The following LPIN1 variants were observed in gnomAD, a reference collection of about 807,000 sequenced individuals.
LPIN1 encodes the protein lipin 1.
A neutral mutation model predicts 107.5 loss-of-function variants in LPIN1; 71 were observed. The ratio of observed to expected loss-of-function variants is 0.66; its 90% CI spans 0.55 to 0.80. The LOEUF is 0.80. LPIN1 is among the 30% of genes least tolerant of loss of function. LPIN1 has a pLI of 0.00. For missense variants in LPIN1, 1,043 were observed against 1,160.6 expected (o/e 0.90, Z 1.47); for synonymous variants, 445 against 452.6 (o/e 0.98, Z 0.21).
At chr2:11,776,886 A>C (rs1229519649) in intron 6 of LPIN1, among the ~76,000 whole-genome samples, 1 of 152,116 alleles carries the variant, frequency 6.6e-6, no homozygotes, top group African/African-American at 2.4e-5. Flanking sequence ...TACGTGGAAA[A>C]CCTTTTGTCT....
At chr2:11,755,750 C>G (rs1463661655) in intron 1 of LPIN1, among the ~76,000 whole-genome samples, 2 of 148,764 alleles carry the variant, frequency 1.3e-5, no homozygotes, top group African/African-American at 2.5e-5. Context: ...GAGACAGAGT[C>G]TCGCTCTGTC....
intron 1 of LPIN1, among the ~76,000 whole-genome samples, chr2:11,760,624 G>T (rs1041524653): frequency 1.3e-5 from 2 of 152,192 alleles, no homozygotes; most frequent in Non-Finnish European, 2.9e-5. Context: ...GAGCCGAGAT[G>T]GCGGCAGTGC....
At position 11,756,642 on chromosome 2, in the gene LPIN1, C is replaced by T. The variant is rs369431343; in HGVS notation, c.-9-8891C>T. On this transcript the variant is annotated intron_variant, in intron 1 of 20. Coordinates refer to ENST00000674199, the MANE Select transcript of LPIN1 (RefSeq NM_001349206.2). Reference sequence around the variant, plus strand: ...GAATTCCTGACCTCAGGTGATCCGCCCTCCTTGGCCTACCAAAGTGCTGGC... The same window carrying T: ...GAATTCCTGACCTCAGGTGATCCGCTCTCCTTGGCCTACCAAAGTGCTGGC... 2.7e-4 allele frequency among the ~76,000 whole-genome samples: 41 copies of T among 152,296 alleles called. No individual in the cohort carries two copies. In the East Asian group the frequency reaches 4.4e-3, roughly 17 times the overall value.
At chr2:11,817,923 C>T (rs892716767) in intron 18 of LPIN1, 19 of 115,972 alleles carry the variant, frequency 1.6e-4, no homozygotes, top group African/African-American at 6.7e-4. Context: ...ACCAGCAAGA[C>T]TCTGTCTCAA....
intron 1 of LPIN1, among the ~76,000 whole-genome samples, chr2:11,691,771 A>G (rs1377103649): frequency 6.6e-6 from 1 of 152,268 alleles, no homozygotes; most frequent in Non-Finnish European, 1.5e-5. Context: ...GAAAGAATAG[A>G]GCCAGTGGCC....
At chr2:11,767,712 C>A (rs767143159) in intron 2 of LPIN1, 51 bp from the exon 3 acceptor site, 8 of 1,202,502 alleles carry the variant, frequency 6.7e-6, no homozygotes, top group South Asian at 4.8e-5. Flanking sequence ...ATGAGGTCTC[C>A]TGTCCTGGTG....
At position 11,779,645 on chromosome 2, in the gene LPIN1, G is replaced by T; in HGVS notation, c.957G>T (p.Lys319Asn). ...GGGGAGAGCTGCCGCAGGCTGCTAA[G>T]GTGAGAGTCTCTTCAATTCTGCCAC... The part of the protein sequence containing the change: ...WLWGELPQAA[K>N]SSSPHKMKES... The change falls in exon 7 of 21, where the codon AAG becomes AAT. Residue 319 changes from lysine to asparagine, a missense_variant and splice_region_variant. Lys to Asn is a moderately conservative substitution (Grantham distance 94). Coordinates refer to ENST00000674199, the MANE Select transcript of LPIN1 (RefSeq NM_001349206.2). 6.2e-7 allele frequency: 1 copy of T among 1,613,938 alleles called. No individual in the cohort carries two copies. The highest frequency in any genetic ancestry group is 8.5e-7 in the Non-Finnish European group (1 of 1,179,926).
intron 17 of LPIN1, among the ~76,000 whole-genome samples, chr2:11,808,960 A>G (rs1452667915): frequency 2.6e-5 from 4 of 152,120 alleles, no homozygotes; most frequent in Non-Finnish European, 4.4e-5. Context: ...AATAAGGACA[A>G]TTTTGTTTTC....
intron 5 of LPIN1, 118 bp downstream of exon 5, chr2:11,773,863 A>C: frequency 8.4e-7 from 1 of 1,189,528 alleles, no homozygotes; most frequent in Non-Finnish European, 1.2e-6. Context: ...GACCAGGAAA[A>C]ACACGGTGTA....
chr2:11,758,980 C>G (rs1204491676), intron 1 of LPIN1, among the ~76,000 whole-genome samples: 2 of 152,222 alleles, frequency 1.3e-5, no homozygotes, highest in African/African-American at 4.8e-5. Flanking sequence ...TTGCTAAGAA[C>G]TAAGGAGTGG....
At chr2:11,755,394 AG>A (rs1355201963) in intron 1 of LPIN1, among the ~76,000 whole-genome samples, 2 of 152,174 alleles carry the variant, frequency 1.3e-5, no homozygotes, top group Non-Finnish European at 2.9e-5. Flanking sequence ...CAAAAATAAA[AG>A]TTTCTTGCTT....
intron 1 of LPIN1, among the ~76,000 whole-genome samples, chr2:11,726,680 G>A (rs907165423): frequency 3.3e-5 from 5 of 152,160 alleles, no homozygotes. Context: ...TGTTGAGCCA[G>A]TTATTTTTTT....
At chr2:11,692,673 C>T (rs1469074365) in intron 1 of LPIN1, among the ~76,000 whole-genome samples, 1 of 152,236 alleles carries the variant, frequency 6.6e-6, no homozygotes, top group Non-Finnish European at 1.5e-5. Context: ...CTGCTTTCCT[C>T]CCAGGTACAT....
chr2:11,696,046 CTT>C (rs531347349), intron 1 of LPIN1, among the ~76,000 whole-genome samples: 32 of 126,024 alleles, frequency 2.5e-4, no homozygotes, highest in Admixed American at 2.4e-4. Context: ...GCTGACTCTC[CTT>C]TTTTTTTTTT....
rs767497900 is a variant in LPIN1 at position 11,765,561 on chromosome 2, T to C, written c.20T>C (p.Leu7Ser). MNYVGQLAGQVFVTVKE... is the reference protein window; with the variant it reads MNYVGQSAGQVFVTVKE... ...CAGACCATGAATTACGTGGGGCAGT[T>C]AGCCGGCCAGGTGTTTGTCACCGTG... The change falls in exon 2 of 21, where the codon TTA becomes TCA. Residue 7 changes from leucine to serine, a missense_variant. Transcript: ENST00000674199. The surrounding 1 kb of genome is among the most constrained non-coding windows in gnomAD (Gnocchi z 4.4). 3.1e-6 allele frequency: 5 copies of C among 1,614,062 alleles called. No individual in the cohort carries two copies. Among genetic ancestry groups the C allele is most frequent in the Non-Finnish European group, 3.4e-6 (4 of 1,179,916 alleles).
chr2:11,761,214 T>C (rs1669774745), intron 1 of LPIN1, among the ~76,000 whole-genome samples: 1 of 152,220 alleles, frequency 6.6e-6, no homozygotes, highest in Admixed American at 6.5e-5. Context: ...CGTTAAAATC[T>C]AAGTTCAACG....
rs10700 is a variant in LPIN1, at chr2:11,826,361, C to G, written c.*1570C>G. ...ACACAAAGGCAAACAGATCTGCCAT[C>G]GATCGCAGATTTCTGTAGAAACACG... On this transcript the variant is annotated 3_prime_UTR_variant, in exon 21 of 21. Transcript: ENST00000674199. The G allele has an allele frequency of 0.065, 9,965 of 152,524 alleles. 458 individuals are homozygous for G. Among genetic ancestry groups the G allele is most frequent in the Middle Eastern group, 0.14 (40 of 294 alleles). 9.4% of individuals were successfully genotyped at this position (152,524 alleles called of 1,614,324 possible).
chr2:11,791,963 G>A lies in LPIN1; in HGVS notation c.1763G>A (p.Arg588Lys), dbSNP rs1675824094. The A allele has an allele frequency of 1.2e-5, 20 of 1,613,928 alleles. No homozygotes were observed. The highest frequency in any genetic ancestry group is 1.6e-5 in the Non-Finnish European group (19 of 1,179,966). ...MRDKMPKKGG[R>K]WWFSWRGRNT... ...GATAAAATGCCCAAAAAGGGAGGAA[G>A]ATGGTGGTTTTCATGGAGGGGAAGA... Residue 588 changes from arginine to lysine, a missense_variant, in exon 13 of 21, where the codon AGA becomes AAA. Transcript: ENST00000674199.
rs1380336622 is a variant in LPIN1, at chr2:11,735,304, A to T, written c.-71-6045A>T. Among the ~76,000 whole-genome samples the T allele has an allele frequency of 2.0e-5, 3 of 151,874 alleles. No individual in the cohort carries two copies. The East Asian group carries it at 5.8e-4, about 29-fold the overall frequency. Reference sequence around the variant, plus strand: ...AAGACTCTGTCTCAAAAAAAAAAAAAAAGAAAGTGTTCCCATGGTACCCTT... The same window carrying T: ...AAGACTCTGTCTCAAAAAAAAAAAATAAGAAAGTGTTCCCATGGTACCCTT... On this transcript the variant is annotated intron_variant, in intron 1 of 21. Transcript: ENST00000396097.
Sources: allele counts gnomAD v4.1 joint callset (sites outside exome capture counted in the v4.1 genomes callset), GRCh38; gene constraint gnomAD v4.1.1; non-coding constraint Gnocchi (gnomAD v3.1); transcripts MANE v1.5; gene names NCBI Gene and HGNC (gene_info 2026-07-23, HGNC 2026-07-21).